UNC13C: variants seen among roughly 807,000 people sequenced by gnomAD.
UNC13C encodes unc-13 homolog C, also known as protein unc-13 homolog C.
In UNC13C, 174 loss-of-function variants were observed where a neutral mutation model predicts 245.4. The ratio of observed to expected loss-of-function variants is 0.71; its 90% CI spans 0.63 to 0.80. The LOEUF is 0.80. Among genes scored for constraint, UNC13C ranks in the 30% least tolerant of loss-of-function variants. The probability of loss-of-function intolerance (pLI) is 0.00; values close to 1 mark genes in which losing one functional copy is unlikely to be tolerated. For missense variants in UNC13C, 2,829 were observed against 2,602.9 expected (o/e 1.09, Z -1.89); for synonymous variants, 992 against 895.1 (o/e 1.11, Z -1.93).
chr15:54,338,507 TC>T lies in UNC13C; in HGVS notation c.4713+19del. The T allele has an allele frequency of 6.2e-7, 1 of 1,608,938 alleles. No individual in the cohort carries two copies. The highest frequency in any genetic ancestry group is 8.5e-7 in the Non-Finnish European group (1 of 1,176,028). On this transcript the variant is annotated intron_variant, in intron 17 of 32. Coordinates refer to ENST00000260323, the MANE Select transcript of UNC13C (RefSeq NM_001080534.3). ...CAGACCCGGTAAGAAAATATGTATG[TC>T]TTTTATAATCGCCACTTTTGTTTCT...
At chr15:54,455,199 CTCTCTCTA>C (rs1395292465) in intron 19 of UNC13C, among the ~76,000 whole-genome samples, 22 of 38,756 alleles carry the variant, frequency 5.7e-4, no homozygotes, top group African/African-American at 1.4e-3. Context: ...CTCTCTCTCT[CTCTCTCTA>C]TATATATATA....
intron 29 of UNC13C, among the ~76,000 whole-genome samples, chr15:54,562,292 T>C (rs1291246728): frequency 3.3e-5 from 5 of 152,198 alleles, no homozygotes; most frequent in South Asian, 2.1e-4. Context: ...GCTACCATTC[T>C]ATAAATGAAT....
chr15:54,228,747 T>C (rs2140808097), intron 4 of UNC13C, among the ~76,000 whole-genome samples: 1 of 152,244 alleles, frequency 6.6e-6, no homozygotes, highest in Non-Finnish European at 1.5e-5. Flanking sequence ...GTCCTCTTGC[T>C]CTTCCCTCTC....
At chr15:54,341,551 A>G (rs35729324) in intron 17 of UNC13C, among the ~76,000 whole-genome samples, 37,231 of 151,924 alleles carry the variant, frequency 0.25, 5,076 homozygotes, top group Admixed American at 0.34. Context: ...AAACCTACAT[A>G]TATACCTCAT....
At chr15:54,001,036 A>G (rs1176427420) in intron 1 of UNC13C, among the ~76,000 whole-genome samples, 2 of 152,196 alleles carry the variant, frequency 1.3e-5, no homozygotes, top group Non-Finnish European at 2.9e-5. Flanking sequence ...ATAGATTTGT[A>G]TTAAGGACAA....
chr15:54,071,322 T>C (rs1898316126), intron 2 of UNC13C, among the ~76,000 whole-genome samples: 1 of 152,240 alleles, frequency 6.6e-6, no homozygotes, highest in Non-Finnish European at 1.5e-5. Flanking sequence ...TCCTACTTCA[T>C]TAAATATTTA....
the UNC13C span, among the ~76,000 whole-genome samples, chr15:53,897,273 T>C: frequency 6.6e-6 from 1 of 152,164 alleles, no homozygotes; most frequent in Non-Finnish European, 1.5e-5. Flanking sequence ...AAAGAATCAG[T>C]GAGTCCTCAA....
chr15:54,406,526 A>G (rs2040296622), intron 18 of UNC13C, among the ~76,000 whole-genome samples: 2 of 152,314 alleles, frequency 1.3e-5, no homozygotes, highest in East Asian at 1.9e-4. Flanking sequence ...CATGTCCTAA[A>G]TCCTGTCAGG....
the UNC13C span, among the ~76,000 whole-genome samples, chr15:53,854,857 T>C: frequency 6.7e-3 from 1,014 of 152,332 alleles, 10 homozygotes; most frequent in African/African-American, 0.023. Context: ...TTAATGGAGA[T>C]GGCATTGAAT....
intron 30 of UNC13C, among the ~76,000 whole-genome samples, chr15:54,601,342 G>T (rs2141272435): frequency 6.6e-6 from 1 of 152,242 alleles, no homozygotes; most frequent in East Asian, 1.9e-4. Flanking sequence ...CAAACAAAAT[G>T]ACTTAAAACC....
intron 4 of UNC13C, among the ~76,000 whole-genome samples, chr15:54,155,660 CTAAT>C (rs1279817809): frequency 2.0e-5 from 3 of 152,018 alleles, no homozygotes; most frequent in African/African-American, 7.2e-5. Flanking sequence ...TCAGTAGTAC[CTAAT>C]TATTCTGTTA....
chr15:54,050,826 T>C (rs1376063766), intron 2 of UNC13C: 10 of 585,020 alleles, frequency 1.7e-5, no homozygotes, highest in African/African-American at 5.6e-5. Flanking sequence ...CCTACACAGC[T>C]TACTAATTCT....
chr15:54,040,574 G>T (rs1417202709), intron 2 of UNC13C, among the ~76,000 whole-genome samples: 3 of 152,116 alleles, frequency 2.0e-5, no homozygotes, highest in Non-Finnish European at 4.4e-5. Flanking sequence ...GGGAAAGCTG[G>T]GGGTATTTTT....
chr15:54,277,531 G>C (rs1397136320), intron 10 of UNC13C, among the ~76,000 whole-genome samples: 1 of 152,092 alleles, frequency 6.6e-6, no homozygotes, highest in Non-Finnish European at 1.5e-5. Context: ...GGCGCCCTCT[G>C]GCATTCATAG....
intron 13 of UNC13C, among the ~76,000 whole-genome samples, chr15:54,314,829 C>A (rs1363571629): frequency 1.3e-5 from 2 of 151,634 alleles, no homozygotes; most frequent in Non-Finnish European, 3.0e-5. Flanking sequence ...CAAAGTCAGG[C>A]TGAAAATTGT....
At chr15:54,467,972 T>C (rs1039635275) in intron 19 of UNC13C, among the ~76,000 whole-genome samples, 1 of 151,712 alleles carries the variant, frequency 6.6e-6, no homozygotes, top group Admixed American at 6.6e-5. Context: ...CCTTTGGCTA[T>C]ACACCCAGAA....
At chr15:54,250,174 T>C (rs1377632704) in intron 7 of UNC13C, 51 bp from the exon 8 acceptor site, 1 of 1,549,014 alleles carries the variant, frequency 6.5e-7, no homozygotes, top group African/African-American at 1.4e-5. Context: ...TTTGAAACAA[T>C]TCAAATCCAC....
At chr15:54,278,588 C>T (rs968261932) in intron 10 of UNC13C, among the ~76,000 whole-genome samples, 4 of 152,148 alleles carry the variant, frequency 2.6e-5, no homozygotes, top group African/African-American at 7.2e-5. Flanking sequence ...TCTCCATCTC[C>T]CCGACACTGA....
chr15:54,332,201 G>A, intron 15 of UNC13C, 90 bp downstream of exon 15: 1 of 894,342 alleles, frequency 1.1e-6, no homozygotes, highest in East Asian at 2.7e-5. Context: ...TCATGTAATA[G>A]AAAAATAAAA....
Sources: allele counts gnomAD v4.1 joint callset (sites outside exome capture counted in the v4.1 genomes callset), GRCh38; gene constraint gnomAD v4.1.1; transcripts MANE v1.5; gene names NCBI Gene and HGNC (gene_info 2026-07-23, HGNC 2026-07-21).